Variants in ABCA13 observed in about 807,000 individuals in gnomAD.
The protein encoded by ABCA13 is ATP binding cassette subfamily A member 13.
ABCA13 carries 476 observed loss-of-function variants against 478.7 expected under a neutral mutation model. The observed-to-expected ratio is 0.99, with a 90% CI of 0.92 to 1.07. ABCA13 has a LOEUF of 1.07. Among genes scored for constraint, ABCA13 ranks in the 50% least tolerant of loss-of-function variants. ABCA13 has a pLI of 0.00. For synonymous variants in ABCA13, 2,252 were observed against 2,158.9 expected (o/e 1.04, Z -1.20); for missense variants, 6,060 against 5,910.6 (o/e 1.03, Z -0.83).
At chr7:48,374,512 A>G in intron 34 of ABCA13, 96 bp downstream of exon 34, 2 of 1,126,482 alleles carry the variant, frequency 1.8e-6, no homozygotes, top group Non-Finnish European at 2.6e-6. Flanking sequence ...AGTCTTCATT[A>G]TCAAGTAGAG....
intron 59 of ABCA13, among the ~76,000 whole-genome samples, chr7:48,639,434 A>G (rs918783308): frequency 6.6e-6 from 1 of 152,184 alleles, no homozygotes; most frequent in Non-Finnish European, 1.5e-5. Context: ...ATTAGGGACC[A>G]ATGTAGTCTG....
At chr7:48,408,168 C>T (rs1340387194) in intron 39 of ABCA13, among the ~76,000 whole-genome samples, 1 of 152,172 alleles carries the variant, frequency 6.6e-6, no homozygotes, top group Non-Finnish European at 1.5e-5. Flanking sequence ...CAATAGATCT[C>T]TAGAATTTGT....
Position 48,273,562 on chromosome 7 carries a change from T to G in ABCA13, c.3896T>G (p.Val1299Gly), listed in dbSNP as rs748658024. ...TTTAGCAGTACCTCAGAATATATAGTCAGAAATCTAGATTCAATAAATGAC... is the reference window on the plus strand; with the variant it reads ...TTTAGCAGTACCTCAGAATATATAGGCAGAAATCTAGATTCAATAAATGAC... ...IEFSSTSEYI[V>G]RNLDSINDFL... is the part of the protein sequence containing the mutation. Residue 1299 changes from valine to glycine, a missense_variant, in exon 17 of 62, where the codon GTC (valine) becomes GGC (glycine). Physicochemically the swap from Val to Gly is moderately radical, Grantham distance 109. Around this residue, in one of 3 missense-constraint regions of ABCA13, gnomAD observed 4,423 missense variants for 4,309.1 expected, o/e 1.03. Coordinates refer to ENST00000435803, the MANE Select transcript of ABCA13 (RefSeq NM_152701.5). The G allele has an allele frequency of 6.3e-7, 1 of 1,582,360 alleles. No individual in the cohort carries two copies. Among genetic ancestry groups the G allele is most frequent in the East Asian group, 2.3e-5 (1 of 43,952 alleles).
At chr7:48,508,249 A>T (rs773568894) in intron 50 of ABCA13, among the ~76,000 whole-genome samples, 200 bp downstream of exon 50, 6 of 152,192 alleles carry the variant, frequency 3.9e-5, no homozygotes, top group Non-Finnish European at 8.8e-5. Context: ...GAAGACTGAT[A>T]AGCTTCAGGC....
chr7:48,456,287 A>G (rs1380213369), intron 43 of ABCA13, among the ~76,000 whole-genome samples: 1 of 152,204 alleles, frequency 6.6e-6, no homozygotes, highest in Non-Finnish European at 1.5e-5. Context: ...TATGTGTGTA[A>G]TTTTTGTAGT....
At chr7:48,644,509 G>C in intron 60 of ABCA13, 108 bp from the exon 61 acceptor site, 2 of 1,202,506 alleles carry the variant, frequency 1.7e-6, no homozygotes, top group Middle Eastern at 2.9e-4. Context: ...TTAAGTGTAG[G>C]TTGAGAAAAC....
At chr7:48,244,189 C>G (rs1210639316) in intron 10 of ABCA13, among the ~76,000 whole-genome samples, 1 of 152,200 alleles carries the variant, frequency 6.6e-6, no homozygotes, top group Non-Finnish European at 1.5e-5. Context: ...GTCCTGTATA[C>G]CATCACACAC....
chr7:48,389,430 C>T (rs551284436), intron 37 of ABCA13, among the ~76,000 whole-genome samples: 2 of 152,234 alleles, frequency 1.3e-5, no homozygotes, highest in Admixed American at 1.3e-4. Context: ...GCACTGTAGG[C>T]CTGGGGCTCA....
intron 59 of ABCA13, among the ~76,000 whole-genome samples, chr7:48,631,176 T>G (rs1794131809): frequency 6.6e-6 from 1 of 152,122 alleles, no homozygotes; most frequent in Admixed American, 6.6e-5. Flanking sequence ...GTCTCACTTG[T>G]CAGTTTTTAT....
At chr7:48,247,142 G>A (rs1791819070) in intron 13 of ABCA13, among the ~76,000 whole-genome samples, 2 of 152,214 alleles carry the variant, frequency 1.3e-5, no homozygotes, top group South Asian at 4.2e-4. Flanking sequence ...GGAGGCTGAG[G>A]TGGGAGAATT....
At chr7:48,468,005 C>A (rs1376485988) in intron 44 of ABCA13, among the ~76,000 whole-genome samples, 1 of 152,052 alleles carries the variant, frequency 6.6e-6, no homozygotes, top group Non-Finnish European at 1.5e-5. Flanking sequence ...TTTTTCTCCT[C>A]TCTGATGGAA....
chr7:48,569,420 C>T (rs1787388611), intron 55 of ABCA13, among the ~76,000 whole-genome samples: 1 of 152,042 alleles, frequency 6.6e-6, no homozygotes, highest in East Asian at 1.9e-4. Flanking sequence ...TTGGAATTTC[C>T]CAAAGATTGC....
chr7:48,358,572 T>C (rs1810332600), intron 31 of ABCA13, among the ~76,000 whole-genome samples: 1 of 151,986 alleles, frequency 6.6e-6, no homozygotes. Flanking sequence ...TAGTTATTCC[T>C]CTATTCATCT....
intron 41 of ABCA13, among the ~76,000 whole-genome samples, chr7:48,425,520 C>T (rs951121699): frequency 2.0e-5 from 3 of 152,040 alleles, no homozygotes; most frequent in South Asian, 2.1e-4. Flanking sequence ...GCCTCAGTGC[C>T]CTCATCTTAA....
At chr7:48,607,896 A>G (rs1791631423) in intron 58 of ABCA13, among the ~76,000 whole-genome samples, 1 of 151,900 alleles carries the variant, frequency 6.6e-6, no homozygotes, top group Non-Finnish European at 1.5e-5. Context: ...TTTTATTTTT[A>G]TTTTTGGACC....
chr7:48,224,377 G>A (rs945584835), intron 5 of ABCA13, among the ~76,000 whole-genome samples: 1 of 152,126 alleles, frequency 6.6e-6, no homozygotes, highest in Non-Finnish European at 1.5e-5. Context: ...GGGAAGGTTG[G>A]TCCAACTTCC....
chr7:48,318,846 G>T (rs1473349384), intron 27 of ABCA13, among the ~76,000 whole-genome samples: 1 of 152,044 alleles, frequency 6.6e-6, no homozygotes, highest in African/African-American at 2.4e-5. Context: ...TTTAAAAAAA[G>T]ATGATATGCT....
At chr7:48,584,137 G>A (rs1318262293) in intron 56 of ABCA13, among the ~76,000 whole-genome samples, 2 of 152,144 alleles carry the variant, frequency 1.3e-5, no homozygotes, top group Non-Finnish European at 2.9e-5. Context: ...CAGTTTATCA[G>A]TTTTCTTTTA....
chr7:48,596,176 C>CA (rs1790262244), intron 58 of ABCA13, among the ~76,000 whole-genome samples: 1 of 152,224 alleles, frequency 6.6e-6, no homozygotes, highest in Non-Finnish European at 1.5e-5. Context: ...GTGAAGAACT[C>CA]AGCCATTCAC....
Sources: gnomAD v4.1 joint callset for allele counts (sites outside exome capture counted in the v4.1 genomes callset) on GRCh38, gnomAD v4.1.1 for gene constraint, gnomAD v4.1.1 regional missense constraint, MANE v1.5 for transcripts, NCBI Gene and HGNC (gene_info 2026-07-23, HGNC 2026-07-21) for gene names.